The following GRIK4 variants were observed in gnomAD, a reference collection of about 807,000 sequenced individuals.
GRIK4 encodes the protein glutamate ionotropic receptor kainate type subunit 4, also known as glutamate receptor ionotropic, kainate 4.
GRIK4 carries 40 observed loss-of-function variants against 104.9 expected under a neutral mutation model. The observed-to-expected ratio is 0.38, with a 90% CI of 0.30 to 0.50. The LOEUF is 0.50. Ranked by LOEUF, GRIK4 falls within the 20% of genes least tolerant of loss-of-function variation. The pLI is 0.93. For synonymous variants in GRIK4, 485 were observed against 524.9 expected (o/e 0.92, Z 1.04); for missense variants, 1,047 against 1,308.1 (o/e 0.80, Z 3.08).
Position 120,874,156 on chromosome 11 carries a change from T to C in GRIK4, c.997T>C (p.Leu333=), listed in dbSNP as rs774689319. 1 of 1,613,872 alleles carries C rather than the reference T, an allele frequency of 6.2e-7. No individual in the cohort carries two copies. Among genetic ancestry groups the C allele is most frequent in the Non-Finnish European group, 8.5e-7 (1 of 1,179,956 alleles). Residue 333 remains leucine (L), a synonymous_variant, in exon 10 of 21, where the codon TTG becomes CTG. Transcript: ENST00000527524. ...GAGCCAAGAGATCGGCGTGAAGCCC[T>C]TGTCCTGCGGCTCGGCCCAGATCTG... ...NRSQEIGVKP[L]SCGSAQIWQH... is the part of the protein sequence containing the mutation.
intron 3 of GRIK4, among the ~76,000 whole-genome samples, chr11:120,675,858 A>T (rs1950091974): frequency 3.9e-5 from 6 of 152,174 alleles, no homozygotes. Context: ...GTTCTACCAT[A>T]ATTATTATTA....
At position 120,555,556 on chromosome 11, in the gene GRIK4, C is replaced by G. The variant is rs539997676; in HGVS notation, c.-159+43669C>G. On this transcript the variant is annotated intron_variant, in intron 1 of 20. Coordinates refer to ENST00000527524, the MANE Select transcript of GRIK4 (RefSeq NM_014619.5). The surrounding 1 kb of genome is among the most constrained non-coding windows in gnomAD (Gnocchi z 5.3). ...GCCACCAGATGCACACAGCGGTCGT[C>G]TTCTCCCTCACGGTCCGCCTGCCTT... 4.6e-5 allele frequency among the ~76,000 whole-genome samples: 7 copies of G among 152,222 alleles called. No homozygotes were observed. The highest frequency in any genetic ancestry group is 1.0e-4 in the Non-Finnish European group (7 of 68,042).
In GRIK4 at chr11:120,987,274, C is replaced by G. The variant is rs529274475; in HGVS notation, c.*1014C>G. On this transcript the variant is annotated 3_prime_UTR_variant, in exon 21 of 21. Coordinates refer to ENST00000527524, the MANE Select transcript of GRIK4 (RefSeq NM_014619.5). ...GGCCTTGGCTTCCGGTGGAACGTGC[C>G]GTTCACAGAGGCGGAAGGACTGGGC... The G allele has an allele frequency of 2.0e-5, 3 of 152,296 alleles. No individual in the cohort carries two copies. Among genetic ancestry groups the G allele is most frequent in the East Asian group, 1.9e-4 (1 of 5,178 alleles). 9.4% of individuals were successfully genotyped at this position (152,296 alleles called of 1,614,324 possible).
chr11:120,916,303 G>T (rs1555092982), intron 13 of GRIK4, among the ~76,000 whole-genome samples: 1 of 152,282 alleles, frequency 6.6e-6, no homozygotes, highest in Non-Finnish European at 1.5e-5. Flanking sequence ...AGACAGATGC[G>T]AGCAGAAGTT....
chr11:120,944,858 G>T (rs11218067), intron 14 of GRIK4, among the ~76,000 whole-genome samples: 1 of 151,982 alleles, frequency 6.6e-6, no homozygotes, highest in Non-Finnish European at 1.5e-5. Flanking sequence ...ATGTGTTGTC[G>T]TGCAAAATTA....
rs562169151 is a variant in GRIK4, at chr11:120,717,168, G to A, written c.82+56768G>A. On this transcript the variant is annotated intron_variant, in intron 3 of 20. Transcript: ENST00000527524. ...GTGCCCTGTGCTCATCGCGGAACTG[G>A]TTGCCTTTGGTCACCTTAGTGTGAG... Among the ~76,000 whole-genome samples the A allele has an allele frequency of 3.3e-5, 5 of 152,312 alleles. No homozygotes were observed. The South Asian group carries it at 1.0e-3, about 32-fold the overall frequency.
At chr11:120,602,599 A>G (rs548812525) in intron 1 of GRIK4, among the ~76,000 whole-genome samples, 1 of 152,348 alleles carries the variant, frequency 6.6e-6, no homozygotes, top group Admixed American at 6.5e-5. Flanking sequence ...GGCTCTGAAC[A>G]CAGAACTGGC....
chr11:120,529,641 T>A (rs1399480503), intron 1 of GRIK4, among the ~76,000 whole-genome samples: 1 of 152,234 alleles, frequency 6.6e-6, no homozygotes, highest in African/African-American at 2.4e-5. Flanking sequence ...TATCCTTCTG[T>A]GAAACAAGGT....
At chr11:120,910,291 A>G (rs1942962756) in intron 13 of GRIK4, among the ~76,000 whole-genome samples, 1 of 152,256 alleles carries the variant, frequency 6.6e-6, no homozygotes, top group Admixed American at 6.5e-5. Flanking sequence ...GGAGAATTCA[A>G]GCATATTTTC....
At chr11:120,589,576 T>C (rs967551193) in intron 1 of GRIK4, among the ~76,000 whole-genome samples, 1 of 152,150 alleles carries the variant, frequency 6.6e-6, no homozygotes, top group Non-Finnish European at 1.5e-5. Context: ...GCTCAGGACG[T>C]TGGAAATCTG....
chr11:120,721,619 G>T (rs1950934949), intron 3 of GRIK4, among the ~76,000 whole-genome samples: 1 of 152,156 alleles, frequency 6.6e-6, no homozygotes, highest in Non-Finnish European at 1.5e-5. Flanking sequence ...AATTCCAGCA[G>T]CTCTGGGGTA....
rs549336201 is a variant in GRIK4, at chr11:120,745,930, G to A, written c.83-56763G>A. Among the ~76,000 whole-genome samples, 7 of 152,250 alleles carry A rather than the reference G, an allele frequency of 4.6e-5. No individual in the cohort carries two copies. In the South Asian group the frequency reaches 6.2e-4, roughly 14 times the overall value. On this transcript the variant is annotated intron_variant, in intron 3 of 20. Coordinates refer to ENST00000527524, the MANE Select transcript of GRIK4 (RefSeq NM_014619.5). ...ATAGCAGCTACCATAGAGCACTGACGATGCATTAGGCACCTGGGGCTTGCT... is the reference window on the plus strand; with the variant it reads ...ATAGCAGCTACCATAGAGCACTGACAATGCATTAGGCACCTGGGGCTTGCT...
At chr11:120,521,428 G>A (rs1319422099) in intron 1 of GRIK4, among the ~76,000 whole-genome samples, 1 of 152,152 alleles carries the variant, frequency 6.6e-6, no homozygotes, top group African/African-American at 2.4e-5. Context: ...TGTTCTTGGT[G>A]ATTTGTGTCC....
At chr11:120,929,023 AT>A (rs1565445210) in intron 13 of GRIK4, among the ~76,000 whole-genome samples, 1,131 of 89,582 alleles carry the variant, frequency 0.013, 13 homozygotes, top group African/African-American at 0.041. Flanking sequence ...GTGTGCGCAC[AT>A]GTGTGTGTGT....
At chr11:120,743,339 A>G (rs1043662495) in intron 3 of GRIK4, among the ~76,000 whole-genome samples, 2 of 152,156 alleles carry the variant, frequency 1.3e-5, no homozygotes, top group African/African-American at 2.4e-5. Context: ...ATCAAATACT[A>G]TATGTTCTTA....
intron 3 of GRIK4, among the ~76,000 whole-genome samples, chr11:120,700,607 C>T (rs752782492): frequency 7.9e-5 from 12 of 152,016 alleles, no homozygotes; most frequent in South Asian, 4.2e-4. Flanking sequence ...TACAGGTGCG[C>T]GCCACCATGT....
At chr11:120,671,066 T>C (rs1950009585) in intron 3 of GRIK4, among the ~76,000 whole-genome samples, 1 of 152,270 alleles carries the variant, frequency 6.6e-6, no homozygotes, top group Non-Finnish European at 1.5e-5. Flanking sequence ...TATTCCATGG[T>C]ATATATGTGC....
At chr11:120,690,497 G>A (rs781274826) in intron 3 of GRIK4, among the ~76,000 whole-genome samples, 21 of 152,198 alleles carry the variant, frequency 1.4e-4, no homozygotes, top group South Asian at 2.1e-4. Context: ...AACTGGCTGC[G>A]CCAATCTCTT....
intron 3 of GRIK4, among the ~76,000 whole-genome samples, chr11:120,784,933 T>C (rs1252322097): frequency 2.8e-4 from 43 of 152,166 alleles, no homozygotes; most frequent in Admixed American, 2.8e-3. Flanking sequence ...GCTCAGTAAA[T>C]GCAAGTCAAA....
Sources: allele counts gnomAD v4.1 joint callset (sites outside exome capture counted in the v4.1 genomes callset), GRCh38; gene constraint gnomAD v4.1.1; non-coding constraint Gnocchi (gnomAD v3.1); transcripts MANE v1.5; gene names NCBI Gene and HGNC (gene_info 2026-07-23, HGNC 2026-07-21).